The following PALM2AKAP2 variants were observed in gnomAD, a reference collection of about 807,000 sequenced individuals.
PALM2AKAP2 encodes PALM2-AKAP2 fusion protein.
In PALM2AKAP2, 37 loss-of-function variants were observed where a neutral mutation model predicts 71.5. The ratio of observed to expected loss-of-function variants is 0.52; its 90% CI spans 0.40 to 0.68. The LOEUF (loss-of-function observed/expected upper bound fraction) is 0.68. Ranked by LOEUF, PALM2AKAP2 falls within the 30% of genes least tolerant of loss-of-function variation. PALM2AKAP2 has a pLI of 0.00. For synonymous variants in PALM2AKAP2, 468 were observed against 478.8 expected, an observed-to-expected ratio of 0.98 and a Z score of 0.29; for missense variants, 1,224 against 1,191.8, an observed-to-expected ratio of 1.03 and a Z score of -0.40.
intron 1 of PALM2AKAP2, among the ~76,000 whole-genome samples, chr9:109,772,275 T>A (rs988148401): frequency 6.6e-6 from 1 of 152,112 alleles, no homozygotes; most frequent in African/African-American, 2.4e-5. Flanking sequence ...ATGTGCTGGC[T>A]ACCACCGTCT....
At chr9:109,771,587 G>A (rs1829263462) in intron 1 of PALM2AKAP2, among the ~76,000 whole-genome samples, 1 of 152,174 alleles carries the variant, frequency 6.6e-6, no homozygotes, top group African/African-American at 2.4e-5. Context: ...AGTCCCAGAT[G>A]GAAATTGACT....
chr9:109,860,847 G>A (rs1829288278), intron 1 of PALM2AKAP2, among the ~76,000 whole-genome samples: 1 of 152,110 alleles, frequency 6.6e-6, no homozygotes, highest in Non-Finnish European at 1.5e-5. Context: ...CAAAAGCCTA[G>A]GAATCCTCTG....
intron 1 of PALM2AKAP2, among the ~76,000 whole-genome samples, chr9:109,784,880 G>A (rs771409059): frequency 9.2e-5 from 14 of 151,908 alleles, no homozygotes; most frequent in Non-Finnish European, 1.6e-4. Context: ...GGGAAAGCTT[G>A]AGACAAGCCA....
chr9:109,841,428 A>T (rs1336048999), intron 1 of PALM2AKAP2, among the ~76,000 whole-genome samples: 6 of 142,672 alleles, frequency 4.2e-5, no homozygotes, highest in Non-Finnish European at 7.5e-5. Context: ...TGATGAGTTA[A>T]TGGGTGCAGC....
intron 6 of PALM2AKAP2, among the ~76,000 whole-genome samples, chr9:109,942,350 A>T (rs1278124320): frequency 6.6e-6 from 1 of 152,228 alleles, no homozygotes; most frequent in African/African-American, 2.4e-5. Context: ...GGAAGCCCTC[A>T]GTCAAGGTAG....
At chr9:109,751,770 T>C (rs1247388124) in intron 1 of PALM2AKAP2, among the ~76,000 whole-genome samples, 1 of 152,166 alleles carries the variant, frequency 6.6e-6, no homozygotes, top group Admixed American at 6.6e-5. Context: ...CCAAAGCTTT[T>C]ATTTCTAAGC....
At chr9:110,140,608 C>CAT (rs1294854564) in intron 2 of PALM2AKAP2, among the ~76,000 whole-genome samples, 1 of 150,374 alleles carries the variant, frequency 6.7e-6, no homozygotes, top group African/African-American at 2.5e-5. Flanking sequence ...TCTCCCTTTC[C>CAT]ATATTTGTGA....
chr9:109,943,169 A>G lies in PALM2AKAP2; in HGVS notation c.496+11141A>G, dbSNP rs1448838015. 5 of 1,614,252 alleles carry G rather than the reference A, an allele frequency of 3.1e-6. No homozygotes were observed. In the East Asian group the frequency reaches 8.9e-5, roughly 29 times the overall value. Reference sequence around the variant, plus strand: ...AATATCGAGGATGAAGAGGAGACGAAAAAGGTGCTAGGCTATGATGAAACC... The same window carrying G: ...AATATCGAGGATGAAGAGGAGACGAGAAAGGTGCTAGGCTATGATGAAACC... On this transcript the variant is annotated intron_variant, in intron 6 of 9. Transcript: ENST00000302798.
chr9:109,947,475 T>C (rs1038166670), intron 6 of PALM2AKAP2, among the ~76,000 whole-genome samples: 4 of 152,194 alleles, frequency 2.6e-5, no homozygotes, highest in Non-Finnish European at 4.4e-5. Flanking sequence ...AAAATTACCA[T>C]TTATTTAATG....
At chr9:109,849,059 G>A (rs544373754) in intron 1 of PALM2AKAP2, among the ~76,000 whole-genome samples, 1 of 152,242 alleles carries the variant, frequency 6.6e-6, no homozygotes, top group African/African-American at 2.4e-5. Context: ...TAGAGGAGAG[G>A]AGAGGAAGGG....
intron 1 of PALM2AKAP2, among the ~76,000 whole-genome samples, chr9:109,688,708 G>C (rs185931273): frequency 3.3e-5 from 5 of 152,340 alleles, no homozygotes; most frequent in Non-Finnish European, 7.3e-5. Context: ...TAAGCTTGCA[G>C]TATGAGTAGG....
At chr9:109,717,430 C>T (rs751322712) in intron 1 of PALM2AKAP2, among the ~76,000 whole-genome samples, 2 of 152,168 alleles carry the variant, frequency 1.3e-5, no homozygotes, top group Non-Finnish European at 2.9e-5. Flanking sequence ...GCTCCCAAAT[C>T]ATCTTCATTT....
intron 2 of PALM2AKAP2, among the ~76,000 whole-genome samples, chr9:109,870,088 G>T (rs1343293124): frequency 6.6e-6 from 1 of 152,196 alleles, no homozygotes; most frequent in Non-Finnish European, 1.5e-5. Flanking sequence ...CTGAATTTCT[G>T]TATGCTGGTG....
intron 3 of PALM2AKAP2, among the ~76,000 whole-genome samples, chr9:109,903,303 G>A (rs886594125): frequency 2.6e-5 from 4 of 151,820 alleles, no homozygotes; most frequent in East Asian, 1.9e-4. Flanking sequence ...TATGCGTACC[G>A]GGAGGGGTTG....
At chr9:109,887,012 T>G (rs1829980219) in intron 3 of PALM2AKAP2, among the ~76,000 whole-genome samples, 1 of 152,222 alleles carries the variant, frequency 6.6e-6, no homozygotes, top group Admixed American at 6.5e-5. Flanking sequence ...AGGATAGAAG[T>G]GTACTTTTCA....
chr9:110,139,961 T>C (rs1475034839), intron 2 of PALM2AKAP2, among the ~76,000 whole-genome samples: 2 of 152,230 alleles, frequency 1.3e-5, no homozygotes, highest in Non-Finnish European at 2.9e-5. Context: ...GTTTGTCCCA[T>C]TATGGTGACA....
At chr9:109,715,482 A>C (rs887864222) in intron 1 of PALM2AKAP2, among the ~76,000 whole-genome samples, 10 of 152,140 alleles carry the variant, frequency 6.6e-5, no homozygotes, top group Non-Finnish European at 1.5e-4. Context: ...TCTTCTTCCC[A>C]GGGATGCATC....
At chr9:110,138,632 G>T in intron 2 of PALM2AKAP2, 93 bp downstream of exon 8, 1 of 1,450,224 alleles carries the variant, frequency 6.9e-7, no homozygotes, top group Non-Finnish European at 9.1e-7. Flanking sequence ...CCTCCTCTGT[G>T]TGTGTCTGGA....
intron 1 of PALM2AKAP2, among the ~76,000 whole-genome samples, chr9:109,857,372 A>G (rs1433345703): frequency 1.3e-5 from 2 of 152,236 alleles, no homozygotes; most frequent in Non-Finnish European, 2.9e-5. Flanking sequence ...ACAGGGATTG[A>G]AAGAAATGAA....
Sources: allele counts gnomAD v4.1 joint callset (sites outside exome capture counted in the v4.1 genomes callset), GRCh38; gene constraint gnomAD v4.1.1; transcripts MANE v1.5; gene names NCBI Gene and HGNC (gene_info 2026-07-23, HGNC 2026-07-21).